The following SBK1 variants were observed in gnomAD, a reference collection of about 807,000 sequenced individuals.
The protein encoded by SBK1 is serine/threonine-protein kinase SBK1.
SBK1 carries 11 observed loss-of-function variants against 24.4 expected under a neutral mutation model. That is an observed-to-expected ratio of 0.45 (90% CI 0.28 to 0.75). The LOEUF is 0.75. Among genes scored for constraint, SBK1 ranks in the 30% least tolerant of loss-of-function variants. SBK1 has a pLI of 0.12. For synonymous variants in SBK1, 308 were observed against 284.4 expected, an observed-to-expected ratio of 1.08 and a Z score of -0.83; for missense variants, 467 against 620.5, an observed-to-expected ratio of 0.75 and a Z score of 2.63.
rs754671369 is a variant in SBK1 at position 28,317,920 on chromosome 16, G to A, written c.226+303G>A. ...GGGCTGTGCCAGGAGTGTCTGGGGA[G>A]GGCAGGGCTGCCGGCTGTGTCTGAG... On this transcript the variant is annotated intron_variant, in intron 2 of 3. Coordinates refer to ENST00000341901, the MANE Select transcript of SBK1 (RefSeq NM_001024401.3). This position sits in a 1 kb window ranked among gnomAD's most constrained non-coding sequence, Gnocchi z 4.2. 6.6e-6 allele frequency among the ~76,000 whole-genome samples: 1 copy of A among 152,088 alleles called. No individual in the cohort carries two copies. Among genetic ancestry groups the A allele is most frequent in the Non-Finnish European group, 1.5e-5 (1 of 67,986 alleles).
rs771829969 is a variant in SBK1 at position 28,317,601 on chromosome 16, G to A, written c.210G>A (p.Val70=). The A allele has an allele frequency of 5.0e-6, 8 of 1,612,652 alleles. No homozygotes were observed. The highest frequency in any genetic ancestry group is 6.8e-6 in the Non-Finnish European group (8 of 1,178,586). Reference sequence around the variant, plus strand: ...GCACCTATGGGAAGGTTGACCTGGTGGTCTACAAGGGCACAGGTGAACAAG... The same window carrying A: ...GCACCTATGGGAAGGTTGACCTGGTAGTCTACAAGGGCACAGGTGAACAAG... ...GKGTYGKVDL[V]VYKGTGTKMA... Residue 70 remains valine (V), a synonymous_variant, in exon 2 of 4, where the codon GTG becomes GTA. Transcript: ENST00000341901. The surrounding 1 kb of genome is among the most constrained non-coding windows in gnomAD (Gnocchi z 4.2).
intron 1 of SBK1, among the ~76,000 whole-genome samples, chr16:28,280,220 CATATACAT>C (rs945231704): frequency 4.8e-5 from 6 of 125,744 alleles, no homozygotes; most frequent in African/African-American, 8.8e-5. Context: ...TACGTATACG[CATATACAT>C]ATATACATAT....
At chr16:28,268,560 C>T (rs1279209012) in intron 1 of SBK1, among the ~76,000 whole-genome samples, 3 of 151,158 alleles carry the variant, frequency 2.0e-5, no homozygotes, top group East Asian at 2.0e-4. Flanking sequence ...GTCAGGAGTT[C>T]GAGACCAGCC....
Position 28,321,946 on chromosome 16 carries a change from G to C in SBK1, c.*1025G>C, listed in dbSNP as rs771447898. The C allele has an allele frequency of 1.3e-5, 2 of 152,316 alleles. No homozygotes were observed. The highest frequency in any genetic ancestry group is 2.9e-5 in the Non-Finnish European group (2 of 68,108). 9.4% of individuals were successfully genotyped at this position (152,316 alleles called of 1,614,324 possible). ...TCCAGCAGGTGGCGAGCTGGTTCGT[G>C]CTGGAAATTTCTCCTGGGTTTCTTG... On this transcript the variant is annotated 3_prime_UTR_variant, in exon 4 of 4. Transcript: ENST00000341901.
rs2044866929 is a variant in SBK1, at chr16:28,322,940, C to G, written c.*2019C>G. On this transcript the variant is annotated 3_prime_UTR_variant, in exon 4 of 4. Coordinates refer to ENST00000341901, the MANE Select transcript of SBK1 (RefSeq NM_001024401.3). ...GCGCGCTCTCTCTCTCCCTCTCTCT[C>G]TCTCTCTCTCTCTCTCTCTCTCTCT... The G allele has an allele frequency of 3.9e-5, 2 of 51,832 alleles. No homozygotes were observed. The highest frequency in any genetic ancestry group is 1.5e-4 in the African/African-American group (2 of 12,944). 3.2% of individuals were successfully genotyped at this position (51,832 alleles called of 1,614,324 possible).
intron 1 of SBK1, among the ~76,000 whole-genome samples, chr16:28,297,886 T>C (rs1418270923): frequency 6.6e-6 from 1 of 152,156 alleles, no homozygotes; most frequent in East Asian, 1.9e-4. Context: ...GAAGTGGAGC[T>C]TGCCCCTGCC....
chr16:28,292,747 G>A lies in SBK1; in HGVS notation c.-561G>A. The A allele has an allele frequency of 1.0e-6, 1 of 985,150 alleles. No individual in the cohort carries two copies. The highest frequency in any genetic ancestry group is 1.2e-6 in the Non-Finnish European group (1 of 829,752). 61.0% of individuals were successfully genotyped at this position (985,150 alleles called of 1,614,324 possible). A position where few individuals can be genotyped will look rare whatever the true frequency, so the allele number is the denominator to read the frequency against. On this transcript the variant is annotated 5_prime_UTR_variant, in exon 1 of 4. Coordinates refer to ENST00000341901, the MANE Select transcript of SBK1 (RefSeq NM_001024401.3). ...TAAAGCCCCCGCAGCCGAGGAGTGC[G>A]GGGAGCCCCCTTCCACATCCAGGAT... is the stretch of plus-strand genomic sequence containing the variant.
At chr16:28,276,762 T>G (rs2044495817) in intron 1 of SBK1, among the ~76,000 whole-genome samples, 1 of 152,062 alleles carries the variant, frequency 6.6e-6, no homozygotes, top group African/African-American at 2.4e-5. Context: ...CCTCCCGGGT[T>G]CAAGTGATTT....
chr16:28,301,747 C>T (rs2044681377), intron 1 of SBK1, among the ~76,000 whole-genome samples: 1 of 152,214 alleles, frequency 6.6e-6, no homozygotes, highest in African/African-American at 2.4e-5. Context: ...ATCCAAGGTC[C>T]AGGCCCCTCT....
chr16:28,298,886 C>T (rs1466551773), intron 1 of SBK1, among the ~76,000 whole-genome samples: 1 of 152,238 alleles, frequency 6.6e-6, no homozygotes, highest in East Asian at 1.9e-4. Flanking sequence ...CTGTATAGCG[C>T]TGGGCCCCCA....
At chr16:28,297,372 G>A (rs1325842584) in intron 1 of SBK1, among the ~76,000 whole-genome samples, 1 of 152,296 alleles carries the variant, frequency 6.6e-6, no homozygotes, top group East Asian at 1.9e-4. Context: ...GAACAGAAAC[G>A]AAACTGATGG....
In SBK1 at chr16:28,319,196, A is replaced by G; in HGVS notation, c.428A>G (p.Gln143Arg). 6.2e-7 allele frequency: 1 copy of G among 1,613,166 alleles called. No individual in the cohort carries two copies. The highest frequency in any genetic ancestry group is 8.5e-7 in the Non-Finnish European group (1 of 1,179,168). ...GACCTGTTTGACATCATCCCTCCCC[A>G]GGTACTCGGGATGGTGGCATAGGGT... ...AGDLFDIIPP[Q>R]VGLPEDTVKR... Residue 143 changes from glutamine (Q) to arginine (R), a missense_variant and splice_region_variant, in exon 3 of 4, where the codon CAG becomes CGG. Transcript: ENST00000341901. This position sits in a 1 kb window ranked among gnomAD's most constrained non-coding sequence, Gnocchi z 4.0.
intron 1 of SBK1, among the ~76,000 whole-genome samples, chr16:28,311,861 C>T (rs2044756910): frequency 1.3e-5 from 2 of 152,226 alleles, no homozygotes; most frequent in African/African-American, 4.8e-5. Context: ...CCAGCCCTTC[C>T]CAGGGCAACT....
rs553775724 is a variant in SBK1, at chr16:28,272,559, C to T, written c.257+13057C>T. Among the ~76,000 whole-genome samples, 5 of 151,336 alleles carry T rather than the reference C, an allele frequency of 3.3e-5. No homozygotes were observed. The East Asian group carries it at 9.7e-4, about 29-fold the overall frequency. On this transcript the variant is annotated intron_variant, in intron 1 of 3. Transcript: ENST00000671413. ...TCCTTCTGTGGCTTATTTTGCTTTG[C>T]ATAATGTCCTTGAGTTTCATCTATG...
intron 1 of SBK1, among the ~76,000 whole-genome samples, chr16:28,264,769 G>A (rs1229477730): frequency 1.3e-5 from 2 of 152,052 alleles, no homozygotes; most frequent in Non-Finnish European, 2.9e-5. Context: ...GGAAAGAGGG[G>A]AGGGAAGAGG....
At chr16:28,307,437 G>A (rs1467405964) in intron 1 of SBK1, among the ~76,000 whole-genome samples, 1 of 152,160 alleles carries the variant, frequency 6.6e-6, no homozygotes, top group Non-Finnish European at 1.5e-5. Flanking sequence ...TAAAATGACA[G>A]AGTAAAAATT....
chr16:28,310,222 C>T (rs752281866), intron 1 of SBK1, among the ~76,000 whole-genome samples: 19 of 152,188 alleles, frequency 1.2e-4, no homozygotes, highest in Non-Finnish European at 2.2e-4. Context: ...CTTCCTCCAC[C>T]CTCTTGAGTG....
intron 1 of SBK1, among the ~76,000 whole-genome samples, chr16:28,268,472 A>G (rs2044443873): frequency 1.3e-5 from 2 of 150,390 alleles, no homozygotes; most frequent in African/African-American, 2.5e-5. Context: ...CCCAGAAATC[A>G]AAACTATTGG....
intron 1 of SBK1, among the ~76,000 whole-genome samples, chr16:28,268,236 G>T (rs7186817): frequency 0.087 from 12,969 of 149,836 alleles, 1,810 homozygotes; most frequent in African/African-American, 0.29. Flanking sequence ...AGTTCTGGGG[G>T]TTTTTTGGTT....
Sources: gnomAD v4.1 joint callset for allele counts (sites outside exome capture counted in the v4.1 genomes callset) on GRCh38, gnomAD v4.1.1 for gene constraint, Gnocchi (gnomAD v3.1) non-coding constraint, MANE v1.5 for transcripts, NCBI Gene and HGNC (gene_info 2026-07-23, HGNC 2026-07-21) for gene names.